IDE: variants seen among roughly 807,000 people sequenced by gnomAD.
IDE encodes insulin-degrading enzyme.
In IDE, 58 loss-of-function variants were observed where a neutral mutation model predicts 133.2. The ratio of observed to expected loss-of-function variants is 0.44; its 90% CI spans 0.35 to 0.54. IDE has a LOEUF of 0.54. Among genes scored for constraint, IDE ranks in the 20% least tolerant of loss-of-function variants. The pLI, the probability that IDE is intolerant of heterozygous loss-of-function variation, is 0.00. For missense variants in IDE, 981 were observed against 1,234.0 expected, an observed-to-expected ratio of 0.79 and a Z score of 3.07; for synonymous variants, 396 against 421.3, an observed-to-expected ratio of 0.94 and a Z score of 0.73.
Position 92,530,288 on chromosome 10 carries a change from C to CA in IDE, c.661+1459dup, listed in dbSNP as rs952570181. On this transcript the variant is annotated intron_variant, in intron 4 of 24. Transcript: ENST00000265986. The stretch of plus-strand genomic sequence containing the variant: ...TTTGAATGTAATGCTTTTGAAAAAA[C>CA]AAAAAAAAAGTTGTTGTTTTTTTTT... Among the ~76,000 whole-genome samples, 65 of 148,558 alleles carry CA rather than the reference C, an allele frequency of 4.4e-4. 1 individual carries two copies. The highest frequency in any genetic ancestry group is 3.6e-3 in the South Asian group (17 of 4,712).
chr10:92,501,022 CAG>C (rs1032384871), intron 11 of IDE, among the ~76,000 whole-genome samples: 1 of 140,182 alleles, frequency 7.1e-6, no homozygotes, highest in Non-Finnish European at 1.5e-5. Flanking sequence ...GCCTGGGCGA[CAG>C]AGTGAGATCC....
intron 12 of IDE, among the ~76,000 whole-genome samples, chr10:92,489,490 T>C (rs957789929): frequency 1.3e-5 from 2 of 152,054 alleles, no homozygotes; most frequent in Non-Finnish European, 2.9e-5. Context: ...ATTATGCCAC[T>C]GTACTCCAGC....
chr10:92,475,094 T>C (rs1323485652), intron 16 of IDE, 133 bp from the exon 17 acceptor site: 3 of 668,754 alleles, frequency 4.5e-6, no homozygotes, highest in African/African-American at 3.7e-5. Context: ...CTTTCTGAAG[T>C]TATATAATTA....
chr10:92,516,813 T>C (rs1282417361), intron 4 of IDE, among the ~76,000 whole-genome samples: 1 of 152,248 alleles, frequency 6.6e-6, no homozygotes, highest in African/African-American at 2.4e-5. Context: ...CAGCGATGTA[T>C]GTAGTGTACC....
chr10:92,468,798 T>C (rs1589374378), intron 19 of IDE, 81 bp downstream of exon 19: 2 of 701,064 alleles, frequency 2.9e-6, no homozygotes, highest in East Asian at 5.2e-5. Flanking sequence ...CGTAAAACTA[T>C]ACCAAATTCA....
chr10:92,527,788 G>A (rs1026662392), intron 4 of IDE, among the ~76,000 whole-genome samples: 5 of 152,168 alleles, frequency 3.3e-5, no homozygotes, highest in African/African-American at 4.8e-5. Flanking sequence ...AGGCCAAGGC[G>A]GGTGGATCAC....
chr10:92,456,865 AAAAAAAAAGAAAAAG>A (rs1845052093), intron 22 of IDE, among the ~76,000 whole-genome samples: 1 of 149,938 alleles, frequency 6.7e-6, no homozygotes, highest in Non-Finnish European at 1.5e-5. Flanking sequence ...AAAAAAAAAA[AAAAAAAAAGAAAAAG>A]AAAAAGAAAA....
chr10:92,528,369 G>C (rs1046088365), intron 4 of IDE, among the ~76,000 whole-genome samples: 1 of 151,448 alleles, frequency 6.6e-6, no homozygotes, highest in African/African-American at 2.4e-5. Flanking sequence ...AGAGTCTACT[G>C]TCTATCACTT....
In IDE at chr10:92,514,949, T is replaced by C. The variant is rs747999563; in HGVS notation, c.755A>G (p.Asn252Ser). 5 of 1,612,810 alleles carry C rather than the reference T, an allele frequency of 3.1e-6. No individual in the cohort carries two copies. Among genetic ancestry groups the C allele is most frequent in the Admixed American group, 3.3e-5 (2 of 59,964 alleles). The change falls in exon 5 of 25, where the codon AAC becomes AGC. Residue 252 changes from asparagine to serine, a missense_variant. Asn to Ser is a conservative substitution (Grantham distance 46). Around this residue, in one of 2 missense-constraint regions of IDE, gnomAD observed 321 missense variants for 339.3 expected, o/e 0.95. Coordinates refer to ENST00000265986, the MANE Select transcript of IDE (RefSeq NM_004969.4). ...ACCTAAAACACAAACAGCCATTAAG[T>C]TGGATGAATAGTAAGCAGAATGGAA... ...LKFHSAYYSS[N>S]LMAVCVLGRE...
intron 11 of IDE, among the ~76,000 whole-genome samples, chr10:92,499,535 T>C (rs1018635140): frequency 2.6e-5 from 4 of 152,100 alleles, no homozygotes; most frequent in African/African-American, 9.7e-5. Flanking sequence ...TGGGCTCAAG[T>C]GATCCTTCTG....
In IDE at chr10:92,506,433, C is replaced by A. The variant is rs919909102; in HGVS notation, c.1326+9G>T. 1.4e-6 allele frequency: 2 copies of A among 1,446,938 alleles called. No homozygotes were observed. The highest frequency in any genetic ancestry group is 1.9e-6 in the Non-Finnish European group (2 of 1,034,892). 89.6% of individuals were successfully genotyped at this position (1,446,938 alleles called of 1,614,324 possible). ...AGCAATGTATACAGTAAAATAACAA[C>A]AAACTTACATGCAATATTCCTGCAA... On this transcript the variant is annotated intron_variant, in intron 10 of 24. Transcript: ENST00000265986.
intron 3 of IDE, among the ~76,000 whole-genome samples, chr10:92,532,156 G>A (rs2135673698): frequency 6.7e-6 from 1 of 149,694 alleles, no homozygotes; most frequent in Non-Finnish European, 1.5e-5. Flanking sequence ...GATAAACAGT[G>A]AAAATTTAAA....
At chr10:92,503,509 AC>A (rs990716641) in intron 11 of IDE, among the ~76,000 whole-genome samples, 1 of 152,082 alleles carries the variant, frequency 6.6e-6, no homozygotes, top group Non-Finnish European at 1.5e-5. Context: ...GAAGAAAGTC[AC>A]CCGAGTCCAC....
At chr10:92,544,385 C>G (rs911108239) in intron 1 of IDE, among the ~76,000 whole-genome samples, 2 of 152,130 alleles carry the variant, frequency 1.3e-5, no homozygotes, top group African/African-American at 4.8e-5. Context: ...CGCAGTCATC[C>G]TCTTCAACTC....
At chr10:92,573,325 G>A (rs1195491464) in intron 1 of IDE, 1 of 268,698 alleles carries the variant, frequency 3.7e-6, no homozygotes, top group Non-Finnish European at 5.7e-6. Flanking sequence ...CTGCTGTAGA[G>A]GATCCCGAGG....
At chr10:92,564,599 G>A (rs1214998767) in intron 1 of IDE, among the ~76,000 whole-genome samples, 2 of 132,976 alleles carry the variant, frequency 1.5e-5, no homozygotes, top group African/African-American at 2.9e-5. Context: ...GCTTGAACAC[G>A]AGAGACAGGG....
chr10:92,534,887 T>C (rs1589496047), intron 2 of IDE, 102 bp from the exon 3 acceptor site: 5 of 775,838 alleles, frequency 6.4e-6, no homozygotes, highest in Admixed American at 5.0e-5. Flanking sequence ...TCCAACTATA[T>C]AATCAGAGAA....
In IDE at chr10:92,515,861, A is replaced by C. The variant is rs545728734; in HGVS notation, c.662-819T>G. On this transcript the variant is annotated intron_variant, in intron 4 of 24. Coordinates refer to ENST00000265986, the MANE Select transcript of IDE (RefSeq NM_004969.4). ...AGGCCTGAGCCACCAAGCCCGGCCTAAAAGTGTCTTATAAAAATTATACTT... is the reference window on the plus strand; with the variant it reads ...AGGCCTGAGCCACCAAGCCCGGCCTCAAAGTGTCTTATAAAAATTATACTT... Among the ~76,000 whole-genome samples the C allele has an allele frequency of 3.6e-4, 53 of 148,602 alleles. 1 individual carries two copies. In the South Asian group the frequency reaches 0.011, roughly 30 times the overall value.
rs541084417 is a variant in IDE, at chr10:92,478,780, A to T, written c.1884+497T>A. On this transcript the variant is annotated intron_variant, in intron 15 of 24. Transcript: ENST00000265986. ...TGTTGCAATGGAGAGGATCAGCATAAATGTAGCGACTAACAAAAAGAAAAA... is the reference window on the plus strand; with the variant it reads ...TGTTGCAATGGAGAGGATCAGCATATATGTAGCGACTAACAAAAAGAAAAA... The T allele has an allele frequency of 1.7e-5, 21 of 1,234,594 alleles. No individual in the cohort carries two copies. In the South Asian group the frequency reaches 3.0e-4, roughly 17 times the overall value. The allele number at this position is 1,234,594 out of a possible 1,614,324, so 76.5% of individuals were successfully genotyped here. A position where few individuals can be genotyped will look rare whatever the true frequency, so the allele number is the denominator to read the frequency against.
Sources: allele counts gnomAD v4.1 joint callset (sites outside exome capture counted in the v4.1 genomes callset), GRCh38; gene constraint gnomAD v4.1.1; regional missense constraint gnomAD v4.1.1; transcripts MANE v1.5; gene names NCBI Gene and HGNC (gene_info 2026-07-23, HGNC 2026-07-21).